The following PIEZO2 variants were observed in gnomAD, a reference collection of about 807,000 sequenced individuals.
PIEZO2 encodes piezo-type mechanosensitive ion channel component 2.
PIEZO2 carries 172 observed loss-of-function variants against 337.3 expected under a neutral mutation model. The observed-to-expected ratio is 0.51, with a 90% CI of 0.45 to 0.58. The LOEUF is 0.58. Ranked by LOEUF, PIEZO2 falls within the 20% of genes least tolerant of loss-of-function variation. The pLI is 0.00. For missense variants in PIEZO2, 3,028 were observed against 3,391.3 expected (o/e 0.89, Z 2.66); for synonymous variants, 1,251 against 1,228.5 (o/e 1.02, Z -0.38).
chr18:11,047,653 A>G lies in PIEZO2; in HGVS notation c.160+18474T>C, dbSNP rs2037365671. ...TAGGGAGAATCGAAGTCTTGGTCCT[A>G]AGGAGGAGGGCACGGGGGGAATCTG... is the stretch of plus-strand genomic sequence containing the variant. On this transcript the variant is annotated intron_variant, in intron 2 of 55. Coordinates refer to ENST00000674853, the MANE Select transcript of PIEZO2 (RefSeq NM_001378183.1). The surrounding 1 kb of genome is among the most constrained non-coding windows in gnomAD (Gnocchi z 7.2). 6.6e-6 allele frequency among the ~76,000 whole-genome samples: 1 copy of G among 152,114 alleles called. No homozygotes were observed. Among genetic ancestry groups the G allele is most frequent in the African/African-American group, 2.4e-5 (1 of 41,422 alleles).
chr18:11,134,369 A>G (rs1228460644), intron 1 of PIEZO2, among the ~76,000 whole-genome samples: 1 of 152,286 alleles, frequency 6.6e-6, no homozygotes, highest in Non-Finnish European at 1.5e-5. Context: ...TTTCTAAAAT[A>G]AAGAGTACAA....
Position 10,800,386 on chromosome 18 carries a change from G to A in PIEZO2, c.1329C>T (p.Asp443=). The part of the protein sequence containing the change: ...LPMENGPGKA[D]LYSTPQYRWE... ...ACCGGTACTGAGGGGTGGAGTAGAGGTCGGCTTTGCCAGGGCCGTTCTCCA... is the reference window on the plus strand; with the variant it reads ...ACCGGTACTGAGGGGTGGAGTAGAGATCGGCTTTGCCAGGGCCGTTCTCCA... Residue 443 remains aspartate (D), a synonymous_variant, in exon 11 of 56, where the codon GAC becomes GAT. Transcript: ENST00000674853. 3.3e-6 allele frequency: 5 copies of A among 1,536,384 alleles called. No homozygotes were observed. Among genetic ancestry groups the A allele is most frequent in the South Asian group, 1.2e-5 (1 of 83,828 alleles).
At chr18:10,719,392 G>A (rs1457120017) in intron 36 of PIEZO2, among the ~76,000 whole-genome samples, 2 of 152,096 alleles carry the variant, frequency 1.3e-5, no homozygotes, top group African/African-American at 4.8e-5. Flanking sequence ...GTCTATGACT[G>A]CCCTCCGTAT....
intron 2 of PIEZO2, among the ~76,000 whole-genome samples, chr18:11,034,574 T>A (rs2036858637): frequency 6.6e-6 from 1 of 152,230 alleles, no homozygotes. Context: ...ATTACAGGCG[T>A]GAGCCACGCG....
chr18:10,876,992 C>T (rs140537534), intron 4 of PIEZO2, among the ~76,000 whole-genome samples: 477 of 152,266 alleles, frequency 3.1e-3, no homozygotes, highest in African/African-American at 9.9e-3. Flanking sequence ...TCTCCGTTCC[C>T]GTGGTTTTCT....
intron 1 of PIEZO2, among the ~76,000 whole-genome samples, chr18:11,137,634 C>G (rs1188882618): frequency 2.0e-5 from 3 of 152,292 alleles, no homozygotes; most frequent in Admixed American, 1.3e-4. Context: ...TGCAGCAATG[C>G]CAAAGGCAGT....
chr18:11,062,204 A>T (rs1267488606), intron 2 of PIEZO2, among the ~76,000 whole-genome samples: 1 of 151,902 alleles, frequency 6.6e-6, no homozygotes, highest in Non-Finnish European at 1.5e-5. Context: ...CTGGCTAGCC[A>T]TATGTAGAAA....
In PIEZO2 at chr18:10,969,830, G is replaced by A. The variant is rs1441811480; in HGVS notation, c.286+9705C>T. Among the ~76,000 whole-genome samples the A allele has an allele frequency of 1.4e-5, 2 of 145,382 alleles. No homozygotes were observed. The highest frequency in any genetic ancestry group is 5.1e-5 in the African/African-American group (2 of 39,334). ...AATTGTTTACTTGCAGGTCCAGCAG[G>A]TGAGGACACCACCGAGAATCGGTCA... On this transcript the variant is annotated intron_variant, in intron 3 of 55. Coordinates refer to ENST00000674853, the MANE Select transcript of PIEZO2 (RefSeq NM_001378183.1). This position sits in a 1 kb window ranked among gnomAD's most constrained non-coding sequence, Gnocchi z 4.5.
At chr18:11,055,083 C>A (rs911480240) in intron 2 of PIEZO2, among the ~76,000 whole-genome samples, 3 of 152,062 alleles carry the variant, frequency 2.0e-5, no homozygotes, top group East Asian at 3.9e-4. Flanking sequence ...CGGTGGCAGG[C>A]GCCTGTAGTC....
At position 11,009,601 on chromosome 18, in the gene PIEZO2, C is replaced by A. The variant is rs900714029; in HGVS notation, c.161-29941G>T. 6.6e-6 allele frequency among the ~76,000 whole-genome samples: 1 copy of A among 152,126 alleles called. No individual in the cohort carries two copies. The highest frequency in any genetic ancestry group is 6.5e-5 in the Admixed American group (1 of 15,282). ...ATCATTACACTTCTTTGGTATCATA[C>A]GAAGTAATAATATATGTGGGCACTA... is the stretch of plus-strand genomic sequence containing the variant. On this transcript the variant is annotated intron_variant, in intron 2 of 55. Coordinates refer to ENST00000674853, the MANE Select transcript of PIEZO2 (RefSeq NM_001378183.1). This position sits in a 1 kb window ranked among gnomAD's most constrained non-coding sequence, Gnocchi z 4.6.
At chr18:10,692,467 TTCCCTCCC>T (rs1050872647) in intron 47 of PIEZO2, among the ~76,000 whole-genome samples, 1 of 147,066 alleles carries the variant, frequency 6.8e-6, no homozygotes, top group Non-Finnish European at 1.5e-5. Context: ...CCTTTCTTCC[TTCCCTCCC>T]TCCCTCCCTT....
chr18:10,812,761 G>A (rs1053857424), intron 7 of PIEZO2, among the ~76,000 whole-genome samples: 15 of 151,994 alleles, frequency 9.9e-5, no homozygotes, highest in Admixed American at 2.0e-4. Flanking sequence ...GACAACATGC[G>A]GTGGTTATGA....
chr18:10,927,829 A>G (rs559783749), intron 3 of PIEZO2, among the ~76,000 whole-genome samples: 103 of 152,260 alleles, frequency 6.8e-4, no homozygotes, highest in African/African-American at 2.4e-3. Flanking sequence ...TCTGGGGTTG[A>G]TAACTATAGC....
At chr18:10,931,500 A>G (rs2032082235) in intron 3 of PIEZO2, among the ~76,000 whole-genome samples, 2 of 152,158 alleles carry the variant, frequency 1.3e-5, no homozygotes, top group African/African-American at 4.8e-5. Context: ...TGCCTGGCCT[A>G]TCTACTTATA....
intron 42 of PIEZO2, among the ~76,000 whole-genome samples, chr18:10,703,393 T>C (rs181916633): frequency 2.0e-5 from 3 of 152,370 alleles, no homozygotes; most frequent in African/African-American, 7.2e-5. Flanking sequence ...TCACATCCTT[T>C]ATTTTCCTTA....
At chr18:10,995,575 A>G (rs2035290601) in intron 2 of PIEZO2, among the ~76,000 whole-genome samples, 1 of 152,240 alleles carries the variant, frequency 6.6e-6, no homozygotes, top group African/African-American at 2.4e-5. Context: ...TAAAATATTG[A>G]GATACCAGAA....
intron 1 of PIEZO2, among the ~76,000 whole-genome samples, chr18:11,074,441 C>T (rs1056282720): frequency 1.3e-5 from 2 of 152,186 alleles, no homozygotes; most frequent in African/African-American, 4.8e-5. Flanking sequence ...TGGTTTTAAC[C>T]ATCCAAAATT....
At chr18:10,849,763 A>C (rs1298929149) in intron 7 of PIEZO2, among the ~76,000 whole-genome samples, 9 of 152,212 alleles carry the variant, frequency 5.9e-5, no homozygotes, top group African/African-American at 2.2e-4. Flanking sequence ...GAAAATACAA[A>C]ACCTTTGGAA....
At chr18:10,769,563 T>C (rs962266216) in intron 21 of PIEZO2, among the ~76,000 whole-genome samples, 3 of 152,250 alleles carry the variant, frequency 2.0e-5, no homozygotes, top group African/African-American at 7.2e-5. Context: ...TCCAGGCATA[T>C]AGAAGTATGC....
Sources: gnomAD v4.1 joint callset for allele counts (sites outside exome capture counted in the v4.1 genomes callset) on GRCh38, gnomAD v4.1.1 for gene constraint, Gnocchi (gnomAD v3.1) non-coding constraint, MANE v1.5 for transcripts, NCBI Gene and HGNC (gene_info 2026-07-23, HGNC 2026-07-21) for gene names.